KMT2C: variants seen among roughly 807,000 people sequenced by gnomAD.
KMT2C encodes the protein lysine methyltransferase 2C.
KMT2C carries 88 observed loss-of-function variants against 507.9 expected under a neutral mutation model. That is an observed-to-expected ratio of 0.17 (90% CI 0.15 to 0.21). The LOEUF (loss-of-function observed/expected upper bound fraction) is 0.21. KMT2C is among the 10% of genes least tolerant of loss of function. The pLI, the probability that KMT2C is intolerant of heterozygous loss-of-function variation, is 1.00. For synonymous variants in KMT2C, 2,049 were observed against 2,080.8 expected, an observed-to-expected ratio of 0.98 and a Z score of 0.42; for missense variants, 4,954 against 5,957.8, an observed-to-expected ratio of 0.83 and a Z score of 5.55.
intron 1 of KMT2C, among the ~76,000 whole-genome samples, chr7:152,409,346 G>C (rs937742586): frequency 2.0e-5 from 3 of 151,858 alleles, no homozygotes; most frequent in Admixed American, 2.0e-4. Flanking sequence ...CTACGTAATA[G>C]TTATGAGCTT....
At position 152,138,869 on chromosome 7, in the gene KMT2C, G is replaced by C; in HGVS notation, c.14570C>G (p.Ala4857Gly). 6.2e-7 allele frequency: 1 copy of C among 1,613,724 alleles called. No individual in the cohort carries two copies. The highest frequency in any genetic ancestry group is 1.3e-5 in the African/African-American group (1 of 75,012). The change falls in exon 58 of 59, where the codon GCT (alanine) becomes GGT (glycine). Residue 4857 changes from alanine (A) to glycine (G), a missense_variant. Transcript: ENST00000262189. The surrounding 1 kb of genome is among the most constrained non-coding windows in gnomAD (Gnocchi z 4.2). The stretch of plus-strand genomic sequence containing the variant: ...TCCTCTCTCAAAAGTCACCACTTCA[G>C]CCACACAATTAGGTGCACACGAATG... ...INHSCAPNCV[A>G]EVVTFERGHK...
rs779283974 is a variant in KMT2C at position 152,315,343 on chromosome 7, T to A, written c.390-5A>T. Reference sequence around the variant, plus strand: ...CAAAAAGCGCAGAGCTGTTCACTAGTAAAAATGAAATGTAAGTCAGAGAAG... The same window carrying A: ...CAAAAAGCGCAGAGCTGTTCACTAGAAAAAATGAAATGTAAGTCAGAGAAG... On this transcript the variant is annotated splice_region_variant and splice_polypyrimidine_tract_variant and intron_variant, in intron 3 of 58. Coordinates refer to ENST00000262189, the MANE Select transcript of KMT2C (RefSeq NM_170606.3). The A allele has an allele frequency of 6.2e-7, 1 of 1,609,330 alleles. No homozygotes were observed. Among genetic ancestry groups the A allele is most frequent in the Non-Finnish European group, 8.5e-7 (1 of 1,176,340 alleles).
intron 7 of KMT2C, among the ~76,000 whole-genome samples, chr7:152,266,436 T>C (rs2095859484): frequency 6.6e-6 from 1 of 151,950 alleles, no homozygotes; most frequent in South Asian, 2.1e-4. Context: ...GTAGAGACGG[T>C]GTTTCGCCAC....
At chr7:152,332,136 C>G (rs1589246603) in intron 2 of KMT2C, among the ~76,000 whole-genome samples, 1 of 152,120 alleles carries the variant, frequency 6.6e-6, no homozygotes, top group African/African-American at 2.4e-5. Context: ...TTGCCTTTTT[C>G]CATTCTCCTT....
chr7:152,363,918 G>A (rs767528928), intron 1 of KMT2C, among the ~76,000 whole-genome samples: 8 of 152,154 alleles, frequency 5.3e-5, no homozygotes, highest in Non-Finnish European at 7.3e-5. Flanking sequence ...AGAAAGCTGC[G>A]AATCAACTGT....
In KMT2C at chr7:152,136,641, G is replaced by T; in HGVS notation, c.*191C>A. On this transcript the variant is annotated 3_prime_UTR_variant, in exon 59 of 59. Coordinates refer to ENST00000262189, the MANE Select transcript of KMT2C (RefSeq NM_170606.3). ...GTTTAACCTCGGCCACTTCAGGAAC[G>T]CTGCTTCTGTCAGCTTCCTCCTGGC... 1 of 578,386 alleles carries T rather than the reference G, an allele frequency of 1.7e-6. No homozygotes were observed. Among genetic ancestry groups the T allele is most frequent in the Non-Finnish European group, 3.1e-6 (1 of 324,274 alleles). The allele number at this position is 578,386 out of a possible 1,614,324, so 35.8% of individuals were successfully genotyped here. A position where few individuals can be genotyped will look rare whatever the true frequency, so the allele number is the denominator to read the frequency against.
At chr7:152,398,593 GAA>G (rs10557587) in intron 1 of KMT2C, among the ~76,000 whole-genome samples, 5,793 of 152,084 alleles carry the variant, frequency 0.038, 391 homozygotes, top group African/African-American at 0.13. Flanking sequence ...GTCACCCAGT[GAA>G]ACACATGTTG....
At chr7:152,251,880 T>C (rs948085319) in intron 11 of KMT2C, 59 bp downstream of exon 11, 7 of 1,293,132 alleles carry the variant, frequency 5.4e-6, no homozygotes, top group African/African-American at 4.5e-5. Context: ...ATATTGGTGA[T>C]ACAATGGCAC....
At chr7:152,212,084 A>C (rs1474432003) in intron 23 of KMT2C, among the ~76,000 whole-genome samples, 3 of 152,140 alleles carry the variant, frequency 2.0e-5, no homozygotes, top group Non-Finnish European at 4.4e-5. Flanking sequence ...AGACGAGACG[A>C]GGACAGAAAG....
intron 44 of KMT2C, 141 bp from the exon 45 acceptor site, chr7:152,156,487 A>C (rs2092055707): frequency 4.8e-6 from 5 of 1,046,502 alleles, no homozygotes; most frequent in Non-Finnish European, 6.7e-6. Flanking sequence ...ACACCAAGAA[A>C]ACAATACCTA....
chr7:152,383,888 G>A (rs1280465860), intron 1 of KMT2C, among the ~76,000 whole-genome samples: 2 of 152,030 alleles, frequency 1.3e-5, no homozygotes, highest in South Asian at 2.1e-4. Context: ...TTACTATGAC[G>A]TGAAGAGTTG....
At chr7:152,275,246 AAG>A (rs1339890370) in intron 6 of KMT2C, among the ~76,000 whole-genome samples, 20 of 152,184 alleles carry the variant, frequency 1.3e-4, no homozygotes, top group Admixed American at 5.2e-4. Context: ...GAAGAAAAGA[AAG>A]AGATACAAAA....
At chr7:152,357,809 G>T (rs1309165821) in intron 2 of KMT2C, among the ~76,000 whole-genome samples, 1 of 152,136 alleles carries the variant, frequency 6.6e-6, no homozygotes, top group African/African-American at 2.4e-5. Flanking sequence ...TCTGACAACT[G>T]TAAGGATTTC....
chr7:152,263,432 G>A (rs2095813024), intron 8 of KMT2C, among the ~76,000 whole-genome samples: 2 of 152,212 alleles, frequency 1.3e-5, no homozygotes. Flanking sequence ...GAATTTTTGA[G>A]AGGAAGGTGC....
intron 23 of KMT2C, among the ~76,000 whole-genome samples, chr7:152,212,758 C>G (rs1432479832): frequency 1.3e-5 from 2 of 152,312 alleles, no homozygotes; most frequent in South Asian, 4.1e-4. Flanking sequence ...TAAAGACACA[C>G]AGCCGGGCAT....
intron 1 of KMT2C, among the ~76,000 whole-genome samples, chr7:152,432,319 A>G (rs2082677581): frequency 6.6e-6 from 1 of 152,238 alleles, no homozygotes; most frequent in Non-Finnish European, 1.5e-5. Flanking sequence ...ATGTGAATTT[A>G]CAGTGTAAGG....
chr7:152,179,656 G>T (rs2093358455), intron 37 of KMT2C, among the ~76,000 whole-genome samples, 178 bp downstream of exon 37: 1 of 50,590 alleles, frequency 2.0e-5, no homozygotes, highest in Non-Finnish European at 3.8e-5. Flanking sequence ...TTGTTGAAGA[G>T]GTTGGGGGGG....
At position 152,248,498 on chromosome 7, in the gene KMT2C, T is replaced by C. The variant is rs1233406675; in HGVS notation, c.1936A>G (p.Lys646Glu). 1.2e-6 allele frequency: 2 copies of C among 1,614,074 alleles called. No individual in the cohort carries two copies. The highest frequency in any genetic ancestry group is 1.7e-6 in the Non-Finnish European group (2 of 1,179,974). ...TCAATGTTTTCTGTCACTTCCATTT[T>C]ATCTTCAATTTGATCTTCGCCACAA... ...HICGEDQIED[K>E]MEVTENIEVV... The change falls in exon 14 of 59, where the codon AAA (lysine) becomes GAA (glutamate). Residue 646 changes from lysine (K) to glutamate (E), a missense_variant. Transcript: ENST00000262189.
chr7:152,201,293 G>GACACAGAC (rs1281258997), intron 26 of KMT2C, among the ~76,000 whole-genome samples: 21 of 136,950 alleles, frequency 1.5e-4, no homozygotes, highest in Admixed American at 8.1e-4. Context: ...TACAGACACA[G>GACACAGAC]ACACACACAC....
Sources: gnomAD v4.1 joint callset for allele counts (sites outside exome capture counted in the v4.1 genomes callset) on GRCh38, gnomAD v4.1.1 for gene constraint, Gnocchi (gnomAD v3.1) non-coding constraint, MANE v1.5 for transcripts, NCBI Gene and HGNC (gene_info 2026-07-23, HGNC 2026-07-21) for gene names.